Variants in KIAA1614 observed in about 807,000 individuals in gnomAD.
KIAA1614 encodes the protein KIAA1614, also known as uncharacterized protein KIAA1614.
In KIAA1614, 76 loss-of-function variants were observed where a neutral mutation model predicts 88.7. The observed-to-expected ratio is 0.86, with a 90% CI of 0.71 to 1.04. The LOEUF is 1.04. Among genes scored for constraint, KIAA1614 ranks in the 50% least tolerant of loss-of-function variants. The pLI, the probability that KIAA1614 is intolerant of heterozygous loss-of-function variation, is 0.00. For missense variants in KIAA1614, 1,553 were observed against 1,582.5 expected (o/e 0.98, Z 0.32); for synonymous variants, 714 against 675.5 (o/e 1.06, Z -0.88).
chr1:180,913,331 G>T lies in KIAA1614; in HGVS notation c.50+38G>T, dbSNP rs192713785. 1,643 of 1,227,050 alleles carry T rather than the reference G, an allele frequency of 1.3e-3. 19 individuals are homozygous for T. The African/African-American group carries it at 0.024, about 18-fold the overall frequency. The allele number at this position is 1,227,050 out of a possible 1,614,324, so 76.0% of individuals were successfully genotyped here. ...GAGGCAGCGCCGGGCCGGCCGGGCG[G>T]GGGTGGCGGACCGGCGGGGCGGAGG... On this transcript the variant is annotated intron_variant, in intron 1 of 8. Transcript: ENST00000367588.
Position 180,950,393 on chromosome 1 carries a change from C to A in KIAA1614, c.*4805C>A, listed in dbSNP as rs772255770. The A allele has an allele frequency of 1.6e-6, 2 of 1,237,036 alleles. No individual in the cohort carries two copies. Among genetic ancestry groups the A allele is most frequent in the Non-Finnish European group, 2.1e-6 (2 of 961,576 alleles). 76.6% of individuals were successfully genotyped at this position (1,237,036 alleles called of 1,614,324 possible). A position where few individuals can be genotyped will look rare whatever the true frequency, so the allele number is the denominator to read the frequency against. On this transcript the variant is annotated 3_prime_UTR_variant, in exon 9 of 9. Coordinates refer to ENST00000367588, the MANE Select transcript of KIAA1614 (RefSeq NM_020950.2). ...GAGCATGGCCAAGCTGTACTCAGGG[C>A]TGCTGGGGGTGGGCGATGAGATCCT... is the stretch of plus-strand genomic sequence containing the variant.
Position 180,950,256 on chromosome 1 carries a change from C to T in KIAA1614, c.*4668C>T. The T allele has an allele frequency of 3.1e-6, 3 of 958,180 alleles. No homozygotes were observed. The highest frequency in any genetic ancestry group is 4.0e-6 in the Non-Finnish European group (3 of 751,056). The allele number at this position is 958,180 out of a possible 1,614,324, so 59.4% of individuals were successfully genotyped here. On this transcript the variant is annotated 3_prime_UTR_variant, in exon 9 of 9. Coordinates refer to ENST00000367588, the MANE Select transcript of KIAA1614 (RefSeq NM_020950.2). ...CCTCCTCCCTGTGCCACACAAACAG[C>T]ACCTCATCAACATGGTCAGCATTCC...
rs1351018982 is a variant in KIAA1614, at chr1:180,935,898, T to C, written c.1989T>C (p.Ala663=). 1 of 1,613,920 alleles carries C rather than the reference T, an allele frequency of 6.2e-7. No homozygotes were observed. Among genetic ancestry groups the C allele is most frequent in the East Asian group, 2.2e-5 (1 of 44,878 alleles). Residue 663 remains alanine, a synonymous_variant, in exon 5 of 9, where the codon GCT becomes GCC. Coordinates refer to ENST00000367588, the MANE Select transcript of KIAA1614 (RefSeq NM_020950.2). This position sits in a 1 kb window ranked among gnomAD's most constrained non-coding sequence, Gnocchi z 6.1. ...GAGGCCACAGGTGGTCCAAGAAGGC[T>C]GAGGCGGAGCTCCCTTGGGGCCTTC... The part of the protein sequence containing the change: ...RPRGHRWSKK[A]EAELPWGLQA...
At position 180,916,295 on chromosome 1, in the gene KIAA1614, G is replaced by A. The variant is rs200026948; in HGVS notation, c.192G>A (p.Leu64=). The change falls in exon 2 of 9, where the codon CTG becomes CTA. Residue 64 remains leucine (L), a synonymous_variant. Transcript: ENST00000367588. ...CTCAGGAAAACAGAACATCCAGCCT[G>A]ATGGCCCCCCAGCCTCCCAGGGTAT... ...PCPQENRTSS[L]MAPQPPRVWG... The A allele has an allele frequency of 6.5e-4, 1,052 of 1,613,878 alleles. 12 individuals carry two copies. The South Asian group carries it at 9.0e-3, about 14-fold the overall frequency.
At position 180,928,669 on chromosome 1, in the gene KIAA1614, TC is replaced by T. The variant is rs753099213; in HGVS notation, c.1205+97del. 4.4e-3 allele frequency: 4,570 copies of T among 1,029,564 alleles called. 22 individuals carry two copies. Among genetic ancestry groups the T allele is most frequent in the Non-Finnish European group, 5.4e-3 (3,826 of 707,720 alleles). The allele number at this position is 1,029,564 out of a possible 1,614,324, so 63.8% of individuals were successfully genotyped here. A position where few individuals can be genotyped will look rare whatever the true frequency, so the allele number is the denominator to read the frequency against. On this transcript the variant is annotated intron_variant, in intron 4 of 8. Coordinates refer to ENST00000367588, the MANE Select transcript of KIAA1614 (RefSeq NM_020950.2). ...GGATCTAGCCAAATGCTGCTGCTGC[TC>T]GCTCCATGTGTGTGTGTGTCTGTGT...
chr1:180,951,585 T>C lies in KIAA1614; in HGVS notation c.*5997T>C, dbSNP rs1192799634. On this transcript the variant is annotated 3_prime_UTR_variant, in exon 9 of 9. Transcript: ENST00000367588. Reference sequence around the variant, plus strand: ...GGATGGCCATGTGTCAGTCTTAACTTACTAAAAAGCAAAGCTAAAGCTTCT... The same window carrying C: ...GGATGGCCATGTGTCAGTCTTAACTCACTAAAAAGCAAAGCTAAAGCTTCT... 1 of 152,300 alleles carries C rather than the reference T, an allele frequency of 6.6e-6. No homozygotes were observed. Among genetic ancestry groups the C allele is most frequent in the Non-Finnish European group, 1.5e-5 (1 of 68,130 alleles). 9.4% of individuals were successfully genotyped at this position (152,300 alleles called of 1,614,324 possible).
intron 3 of KIAA1614, among the ~76,000 whole-genome samples, chr1:180,918,545 G>C (rs1313748905): frequency 6.6e-6 from 1 of 152,216 alleles, no homozygotes; most frequent in Non-Finnish European, 1.5e-5. Context: ...TGGGAGTGGG[G>C]CCATCGGCAG....
In KIAA1614 at chr1:180,917,347, C is replaced by T. The variant is rs78575971; in HGVS notation, c.997+247C>T. ...TGCAGACCAATAGGAGGCCACCCTGCGTGCTTGGGGTTAGAGGCCACTATG... is the reference window on the plus strand; with the variant it reads ...TGCAGACCAATAGGAGGCCACCCTGTGTGCTTGGGGTTAGAGGCCACTATG... On this transcript the variant is annotated intron_variant, in intron 2 of 8. Coordinates refer to ENST00000367588, the MANE Select transcript of KIAA1614 (RefSeq NM_020950.2). Among the ~76,000 whole-genome samples the T allele has an allele frequency of 8.0e-3, 1,222 of 152,328 alleles. 14 individuals carry two copies. The highest frequency in any genetic ancestry group is 0.019 in the African/African-American group (799 of 41,582).
rs114439840 is a variant in KIAA1614, at chr1:180,946,533, C to G, written c.*945C>G. The G allele has an allele frequency of 1.3e-3, 192 of 152,262 alleles. No individual in the cohort carries two copies. The highest frequency in any genetic ancestry group is 4.6e-3 in the African/African-American group (191 of 41,488). The allele number at this position is 152,262 out of a possible 1,614,324, so 9.4% of individuals were successfully genotyped here. A position where few individuals can be genotyped will look rare whatever the true frequency, so the allele number is the denominator to read the frequency against. On this transcript the variant is annotated 3_prime_UTR_variant, in exon 9 of 9. Coordinates refer to ENST00000367588, the MANE Select transcript of KIAA1614 (RefSeq NM_020950.2). Reference sequence around the variant, plus strand: ...GTGGTCCAGAATGCATCTCAAGGGCCCATAAAAGACATTCCCCAGAGGATC... The same window carrying G: ...GTGGTCCAGAATGCATCTCAAGGGCGCATAAAAGACATTCCCCAGAGGATC...
At position 180,916,941 on chromosome 1, in the gene KIAA1614, G is replaced by A; in HGVS notation, c.838G>A (p.Asp280Asn). 6.2e-7 allele frequency: 1 copy of A among 1,614,254 alleles called. No homozygotes were observed. The highest frequency in any genetic ancestry group is 8.5e-7 in the Non-Finnish European group (1 of 1,180,060). ...ALLGERWRAG[D>N]LEALGAGSSV... ...GCTGGGTGAGCGCTGGAGAGCTGGA[G>A]ACCTGGAGGCTCTGGGCGCTGGGAG... The change falls in exon 2 of 9, where the codon GAC becomes AAC. Residue 280 changes from aspartate to asparagine, a missense_variant. By Grantham distance (23) the Asp-to-Asn change is conservative. Coordinates refer to ENST00000367588, the MANE Select transcript of KIAA1614 (RefSeq NM_020950.2).
At chr1:180,936,860 G>A (rs1654347695) in intron 5 of KIAA1614, among the ~76,000 whole-genome samples, 190 bp downstream of exon 5, 1 of 152,184 alleles carries the variant, frequency 6.6e-6, no homozygotes, top group African/African-American at 2.4e-5. Flanking sequence ...GCTGGTGGAG[G>A]CTGGATGCAG....
chr1:180,942,537 G>T (rs1654491929), intron 7 of KIAA1614, among the ~76,000 whole-genome samples: 1 of 152,230 alleles, frequency 6.6e-6, no homozygotes, highest in Non-Finnish European at 1.5e-5. Flanking sequence ...TGTCCAAGGC[G>T]TGTGGCCAGT....
rs749487767 is a variant in KIAA1614, at chr1:180,916,984, C to A, written c.881C>A (p.Ser294Tyr). ...GCTGGGAGCAGTGTCTTGTCCCTGT[C>A]TGATCGGGTGGAGAGAAACCGCCTG... ...LGAGSSVLSL[S>Y]DRVERNRLLL... is the part of the protein sequence containing the mutation. Residue 294 changes from serine to tyrosine, a missense_variant, in exon 2 of 9, where the codon TCT becomes TAT. By Grantham distance (144) the Ser-to-Tyr change is moderately radical. Transcript: ENST00000367588. 3 of 1,614,136 alleles carry A rather than the reference C, an allele frequency of 1.9e-6. No homozygotes were observed. Among genetic ancestry groups the A allele is most frequent in the Admixed American group, 3.3e-5 (2 of 60,026 alleles).
In KIAA1614 at chr1:180,935,039, A is replaced by G; in HGVS notation, c.1206-76A>G. Reference sequence around the variant, plus strand: ...GGTGGGAGACTGTAGCCCAGGGTGGAGAGGGTAGGGCCGATGCGTGTCCAT... The same window carrying G: ...GGTGGGAGACTGTAGCCCAGGGTGGGGAGGGTAGGGCCGATGCGTGTCCAT... On this transcript the variant is annotated intron_variant, in intron 4 of 8. Transcript: ENST00000367588. This position sits in a 1 kb window ranked among gnomAD's most constrained non-coding sequence, Gnocchi z 6.1. 9.7e-7 allele frequency: 1 copy of G among 1,035,626 alleles called. No homozygotes were observed. The highest frequency in any genetic ancestry group is 1.3e-6 in the Non-Finnish European group (1 of 786,006). The allele number at this position is 1,035,626 out of a possible 1,614,324, so 64.2% of individuals were successfully genotyped here. A position where few individuals can be genotyped will look rare whatever the true frequency, so the allele number is the denominator to read the frequency against.
chr1:180,919,462 G>A (rs1653898474), intron 3 of KIAA1614, among the ~76,000 whole-genome samples: 1 of 152,206 alleles, frequency 6.6e-6, no homozygotes, highest in Non-Finnish European at 1.5e-5. Context: ...TCTGCGCCCT[G>A]TTCAAGTTGC....
intron 3 of KIAA1614, 47 bp downstream of exon 3, chr1:180,917,961 G>A: frequency 1.3e-6 from 2 of 1,515,006 alleles, no homozygotes; most frequent in Non-Finnish European, 1.8e-6. Flanking sequence ...CCTCACCATG[G>A]TCCCTCTATT....
chr1:180,924,268 C>T (rs757897695), intron 3 of KIAA1614, among the ~76,000 whole-genome samples: 2 of 152,258 alleles, frequency 1.3e-5, no homozygotes, highest in Non-Finnish European at 2.9e-5. Flanking sequence ...CTCTCCTCTG[C>T]CTGCCAGAGT....
chr1:180,931,496 G>A (rs1300246958), intron 4 of KIAA1614, among the ~76,000 whole-genome samples: 1 of 152,240 alleles, frequency 6.6e-6, no homozygotes, highest in East Asian at 1.9e-4. Context: ...CTTGGCAGGT[G>A]TGGGATTTGC....
chr1:180,930,982 C>A (rs1399384301), intron 4 of KIAA1614, among the ~76,000 whole-genome samples: 3 of 152,166 alleles, frequency 2.0e-5, no homozygotes, highest in Non-Finnish European at 4.4e-5. Flanking sequence ...TTCTAAAGAG[C>A]AGCTTGGTGA....
Sources: allele counts gnomAD v4.1 joint callset (sites outside exome capture counted in the v4.1 genomes callset), GRCh38; gene constraint gnomAD v4.1.1; non-coding constraint Gnocchi (gnomAD v3.1); transcripts MANE v1.5; gene names NCBI Gene and HGNC (gene_info 2026-07-23, HGNC 2026-07-21).